The following FSHR variants were observed in gnomAD, a reference collection of about 807,000 sequenced individuals.
FSHR encodes the protein follicle stimulating hormone receptor, also known as follicle-stimulating hormone receptor.
FSHR carries 46 observed loss-of-function variants against 52.1 expected under a neutral mutation model. That is an observed-to-expected ratio of 0.88 (90% CI 0.70 to 1.13). The LOEUF (loss-of-function observed/expected upper bound fraction) is 1.13. Among genes scored for constraint, FSHR ranks in the 50% most tolerant of loss-of-function variants. The probability of loss-of-function intolerance (pLI) is 0.00; values close to 1 mark genes in which losing one functional copy is unlikely to be tolerated. For synonymous variants in FSHR, 399 were observed against 309.6 expected, an observed-to-expected ratio of 1.29 and a Z score of -3.03; for missense variants, 964 against 834.6, an observed-to-expected ratio of 1.16 and a Z score of -1.91.
intron 8 of FSHR, 68 bp from the exon 9 acceptor site, chr2:48,968,951 G>A: frequency 2.9e-6 from 4 of 1,396,982 alleles, no homozygotes; most frequent in Non-Finnish European, 4.0e-6. Flanking sequence ...TTGGTTAGCA[G>A]GCAAAATAGC....
intron 1 of FSHR, among the ~76,000 whole-genome samples, chr2:49,152,658 GTTTGT>G (rs1257104358): frequency 2.6e-5 from 4 of 152,124 alleles, no homozygotes; most frequent in Non-Finnish European, 5.9e-5. Flanking sequence ...GTTTGGGTCT[GTTTGT>G]TTTATCAACT....
chr2:49,131,455 T>A (rs1001880133), intron 1 of FSHR, among the ~76,000 whole-genome samples: 5 of 152,202 alleles, frequency 3.3e-5, no homozygotes, highest in African/African-American at 7.2e-5. Flanking sequence ...AATAATCAAT[T>A]ATTTGCTGAA....
intron 4 of FSHR, among the ~76,000 whole-genome samples, chr2:49,007,982 A>T (rs1021670350): frequency 1.3e-5 from 2 of 152,018 alleles, no homozygotes; most frequent in African/African-American, 4.8e-5. Context: ...TTTAATAAGA[A>T]TGGATAACAT....
chr2:49,008,049 T>G (rs920419720), intron 4 of FSHR, among the ~76,000 whole-genome samples: 2 of 151,686 alleles, frequency 1.3e-5, no homozygotes, highest in Admixed American at 6.6e-5. Flanking sequence ...TATTATACTT[T>G]AAGTTTTAGG....
At chr2:48,999,361 C>T (rs1028295068) in intron 4 of FSHR, among the ~76,000 whole-genome samples, 1 of 151,966 alleles carries the variant, frequency 6.6e-6, no homozygotes, top group Non-Finnish European at 1.5e-5. Flanking sequence ...TTCTCAAAGC[C>T]ACATAAGGAG....
At chr2:49,149,662 A>C (rs1302790921) in intron 1 of FSHR, among the ~76,000 whole-genome samples, 1 of 152,118 alleles carries the variant, frequency 6.6e-6, no homozygotes, top group Non-Finnish European at 1.5e-5. Context: ...CTCTGAACTA[A>C]GGACCTATTA....
intron 1 of FSHR, among the ~76,000 whole-genome samples, chr2:49,131,156 A>G (rs1672248693): frequency 6.6e-6 from 1 of 152,220 alleles, no homozygotes; most frequent in Non-Finnish European, 1.5e-5. Flanking sequence ...TAGGTTATTT[A>G]AAACATTTTG....
intron 1 of FSHR, among the ~76,000 whole-genome samples, chr2:49,135,417 T>C (rs189943391): frequency 1.3e-5 from 2 of 152,116 alleles, no homozygotes; most frequent in East Asian, 3.9e-4. Flanking sequence ...TTGAGATGAA[T>C]GAAAATTAAG....
chr2:48,963,465 G>C lies in FSHR; in HGVS notation c.1356C>G (p.Ala452=). Residue 452 remains alanine (A), a synonymous_variant, in exon 10 of 10, where the codon GCC becomes GCG. Coordinates refer to ENST00000406846, the MANE Select transcript of FSHR (RefSeq NM_000145.4). ...CDAAGFFTVF[A]SELSVYTLTA... is the part of the protein sequence containing the mutation. ...TCAGAGTGTAGACTGACAGCTCACT[G>C]GCAAAGACAGTGAAAAAGCCAGCAG... is the stretch of plus-strand genomic sequence containing the variant. 6.2e-7 allele frequency: 1 copy of C among 1,614,156 alleles called. No homozygotes were observed. Among genetic ancestry groups the C allele is most frequent in the Non-Finnish European group, 8.5e-7 (1 of 1,180,018 alleles).
intron 8 of FSHR, among the ~76,000 whole-genome samples, chr2:48,976,526 T>G (rs530803519): frequency 6.6e-6 from 1 of 152,218 alleles, no homozygotes. Context: ...TCCCTCTTTT[T>G]CTGTTGTTTG....
intron 2 of FSHR, among the ~76,000 whole-genome samples, chr2:49,061,311 C>T (rs1367983161): frequency 6.6e-6 from 1 of 151,940 alleles, no homozygotes; most frequent in African/African-American, 2.4e-5. Flanking sequence ...TGAAGCACAC[C>T]TCTCACCTGT....
intron 1 of FSHR, among the ~76,000 whole-genome samples, chr2:49,125,765 G>A (rs1333867145): frequency 6.6e-6 from 1 of 152,216 alleles, no homozygotes; most frequent in Non-Finnish European, 1.5e-5. Context: ...GATAAGGAAA[G>A]CCAGGACCAG....
chr2:49,006,718 G>T (rs755678987), intron 4 of FSHR, among the ~76,000 whole-genome samples: 17 of 152,096 alleles, frequency 1.1e-4, no homozygotes, highest in Non-Finnish European at 2.9e-5. Flanking sequence ...CAGAGGTATT[G>T]CTATTTCCAG....
At chr2:49,050,858 T>TA (rs1668830365) in intron 2 of FSHR, among the ~76,000 whole-genome samples, 1 of 152,140 alleles carries the variant, frequency 6.6e-6, no homozygotes, top group Non-Finnish European at 1.5e-5. Context: ...TTCACCACGT[T>TA]AAAAAAGTTT....
At chr2:49,010,943 T>C (rs1384916073) in intron 4 of FSHR, among the ~76,000 whole-genome samples, 6 of 151,368 alleles carry the variant, frequency 4.0e-5, no homozygotes, top group African/African-American at 1.2e-4. Context: ...GTCTTGCTAG[T>C]GGTCTATCAA....
rs1437311241 is a variant in FSHR, at chr2:48,968,562, A to G, written c.854+136T>C. 1.8e-5 allele frequency: 18 copies of G among 1,002,646 alleles called. No homozygotes were observed. The Admixed American group carries it at 3.4e-4, about 19-fold the overall frequency. The allele number at this position is 1,002,646 out of a possible 1,614,324, so 62.1% of individuals were successfully genotyped here. A position where few individuals can be genotyped will look rare whatever the true frequency, so the allele number is the denominator to read the frequency against. On this transcript the variant is annotated intron_variant, in intron 9 of 9. Transcript: ENST00000406846. ...TCACTCTCCATGAACTGAATTTTTG[A>G]CCCAGAATGTGCCAAAGGGCTTGAG...
chr2:48,997,346 A>C (rs183195010), intron 4 of FSHR: 9 of 985,208 alleles, frequency 9.1e-6, no homozygotes, highest in African/African-American at 1.7e-5. Flanking sequence ...ATGGAAACCA[A>C]ACTCCTTAGT....
chr2:49,153,973 A>T (rs1219940570), intron 1 of FSHR, among the ~76,000 whole-genome samples: 1 of 152,186 alleles, frequency 6.6e-6, no homozygotes, highest in African/African-American at 2.4e-5. Context: ...TAAAGAGAGT[A>T]TGAAACCCAA....
At chr2:48,997,924 G>T (rs899213130) in intron 4 of FSHR, among the ~76,000 whole-genome samples, 1 of 152,072 alleles carries the variant, frequency 6.6e-6, no homozygotes, top group African/African-American at 2.4e-5. Flanking sequence ...GACTTTCCCA[G>T]ATTCCTCCTG....
Sources: allele counts gnomAD v4.1 joint callset (sites outside exome capture counted in the v4.1 genomes callset), GRCh38; gene constraint gnomAD v4.1.1; transcripts MANE v1.5; gene names NCBI Gene and HGNC (gene_info 2026-07-23, HGNC 2026-07-21).